The following RXFP1 variants were observed in gnomAD, a reference collection of about 807,000 sequenced individuals.
RXFP1 encodes the protein relaxin receptor 1.
In RXFP1, 73 loss-of-function variants were observed where a neutral mutation model predicts 89.8. The ratio of observed to expected loss-of-function variants is 0.81; its 90% CI spans 0.67 to 0.99. The LOEUF is 0.99. Among genes scored for constraint, RXFP1 ranks in the 50% least tolerant of loss-of-function variants. The pLI, the probability that RXFP1 is intolerant of heterozygous loss-of-function variation, is 0.00. For synonymous variants in RXFP1, 277 were observed against 305.5 expected (o/e 0.91, Z 0.97); for missense variants, 793 against 895.5 (o/e 0.89, Z 1.46).
chr4:158,556,924 C>A lies in RXFP1; in HGVS notation c.50-15774C>A, dbSNP rs889200451. 9.2e-5 allele frequency among the ~76,000 whole-genome samples: 14 copies of A among 152,034 alleles called. 1 individual carries two copies. In the East Asian group the frequency reaches 2.5e-3, roughly 27 times the overall value. On this transcript the variant is annotated intron_variant, in intron 1 of 17. Coordinates refer to ENST00000307765, the MANE Select transcript of RXFP1 (RefSeq NM_021634.4). The stretch of plus-strand genomic sequence containing the variant: ...AGATACAGAGTAGAACAGTGGTGAC[C>A]AGAGCAGAGAGAAGGATGGGGAGAA...
At chr4:158,568,500 T>A (rs554129471) in intron 1 of RXFP1, among the ~76,000 whole-genome samples, 3 of 152,230 alleles carry the variant, frequency 2.0e-5, no homozygotes, top group Admixed American at 6.5e-5. Flanking sequence ...GTGTTTAAAG[T>A]GTTCTTAAAA....
intron 2 of RXFP1, among the ~76,000 whole-genome samples, chr4:158,575,520 T>C (rs1006926469): frequency 6.6e-6 from 1 of 152,058 alleles, no homozygotes; most frequent in Non-Finnish European, 1.5e-5. Context: ...GATTTGGAGA[T>C]GGGATTTGGG....
At chr4:158,522,607 T>A (rs1741457554) in intron 1 of RXFP1, among the ~76,000 whole-genome samples, 1 of 152,200 alleles carries the variant, frequency 6.6e-6, no homozygotes, top group African/African-American at 2.4e-5. Context: ...TAATGACAAA[T>A]TTTGTTTTCT....
chr4:158,569,937 T>C (rs1195157292), intron 1 of RXFP1, among the ~76,000 whole-genome samples: 1 of 152,192 alleles, frequency 6.6e-6, no homozygotes, highest in African/African-American at 2.4e-5. Context: ...GTGGACTGCT[T>C]TTTGAAGTAT....
intron 2 of RXFP1, among the ~76,000 whole-genome samples, chr4:158,587,963 AT>A (rs1310862777): frequency 6.6e-6 from 1 of 152,176 alleles, no homozygotes; most frequent in Non-Finnish European, 1.5e-5. Context: ...TTATCTAAAG[AT>A]ATGAAACAAG....
At position 158,652,240 on chromosome 4, in the gene RXFP1, G is replaced by GTA. The variant is rs1772879454; in HGVS notation, c.*193_*194dup. On this transcript the variant is annotated 3_prime_UTR_variant, in exon 18 of 18. Transcript: ENST00000307765. Reference sequence around the variant, plus strand: ...AAAGGGAAGTAATTATATCAATAATGTATATATATTAGTAGACATTTTGCA... The same window carrying GTA: ...AAAGGGAAGTAATTATATCAATAATGTATATATATATTAGTAGACATTTTGCA... The GTA allele has an allele frequency of 1.9e-6, 1 of 532,130 alleles. No individual in the cohort carries two copies. The allele number at this position is 532,130 out of a possible 1,614,324, so 33.0% of individuals were successfully genotyped here. A position where few individuals can be genotyped will look rare whatever the true frequency, so the allele number is the denominator to read the frequency against.
intron 1 of RXFP1, among the ~76,000 whole-genome samples, chr4:158,529,062 C>T (rs1356413235): frequency 6.6e-6 from 1 of 152,188 alleles, no homozygotes; most frequent in Non-Finnish European, 1.5e-5. Context: ...GATAGAGTAA[C>T]ATGTTTCAAT....
In RXFP1 at chr4:158,646,830, G is replaced by T. The variant is rs1256811446; in HGVS notation, c.1385G>T (p.Gly462Val). The T allele has an allele frequency of 1.2e-6, 2 of 1,613,742 alleles. No individual in the cohort carries two copies. The highest frequency in any genetic ancestry group is 3.3e-5 in the Admixed American group (2 of 59,958). The part of the protein sequence containing the change: ...CLMGIYLFVI[G>V]GFDLKFRGEY... ...ATGGGAATATATTTATTCGTGATCG[G>T]AGGCTTTGACCTAAAGTTTCGTGGA... Residue 462 changes from glycine (G) to valine (V), a missense_variant, in exon 16 of 18, where the codon GGA becomes GTA. By Grantham distance (109) the Gly-to-Val change is moderately radical (BLOSUM62 -3). Transcript: ENST00000307765.
chr4:158,589,773 C>G (rs992556209), intron 2 of RXFP1, among the ~76,000 whole-genome samples: 2 of 152,082 alleles, frequency 1.3e-5, no homozygotes, highest in African/African-American at 4.8e-5. Context: ...ATATGACAGA[C>G]GGAGCACAGT....
Position 158,632,510 on chromosome 4 carries a change from T to C in RXFP1, c.900-895T>C, listed in dbSNP as rs1768256587. ...GCTCAAGTCTATTGAAACTTTTTCT[T>C]GTATAAAAGAATCTGAGGCCTTTCA... is the stretch of plus-strand genomic sequence containing the variant. On this transcript the variant is annotated intron_variant, in intron 11 of 17. Coordinates refer to ENST00000307765, the MANE Select transcript of RXFP1 (RefSeq NM_021634.4). 2.0e-5 allele frequency among the ~76,000 whole-genome samples: 3 copies of C among 152,158 alleles called. No individual in the cohort carries two copies. The South Asian group carries it at 6.2e-4, about 32-fold the overall frequency.
chr4:158,557,858 C>T (rs1315797739), intron 1 of RXFP1, among the ~76,000 whole-genome samples: 1 of 152,206 alleles, frequency 6.6e-6, no homozygotes, highest in East Asian at 1.9e-4. Context: ...TTCACTGGAG[C>T]TCCAGTAGGT....
chr4:158,611,992 T>C (rs1451570676), intron 6 of RXFP1, 138 bp from the exon 7 acceptor site: 3 of 651,150 alleles, frequency 4.6e-6, no homozygotes, highest in Middle Eastern at 4.3e-4. Flanking sequence ...TAGCAATTCT[T>C]AGAGATTCAA....
intron 14 of RXFP1, among the ~76,000 whole-genome samples, chr4:158,643,203 C>A (rs1181578093): frequency 6.6e-6 from 1 of 152,156 alleles, no homozygotes; most frequent in Non-Finnish European, 1.5e-5. Flanking sequence ...CAGCATTCAC[C>A]TGTGCAAGCT....
At chr4:158,625,934 C>T (rs1766608883) in intron 9 of RXFP1, among the ~76,000 whole-genome samples, 1 of 152,012 alleles carries the variant, frequency 6.6e-6, no homozygotes, top group Admixed American at 6.5e-5. Context: ...AAAGTTCCAC[C>T]ATATACTCAC....
intron 2 of RXFP1, among the ~76,000 whole-genome samples, chr4:158,584,960 G>C (rs993010284): frequency 3.1e-4 from 47 of 152,148 alleles, no homozygotes; most frequent in African/African-American, 1.0e-3. Context: ...CACTTGGAAG[G>C]CTCGTTAAAA....
chr4:158,523,045 C>A (rs1422672777), intron 1 of RXFP1, among the ~76,000 whole-genome samples: 2 of 152,162 alleles, frequency 1.3e-5, no homozygotes, highest in African/African-American at 4.8e-5. Flanking sequence ...TAAAGGACAG[C>A]ATCAAAACCA....
Position 158,599,317 on chromosome 4 carries a change from T to G in RXFP1, c.287-9T>G, listed in dbSNP as rs144972452. The G allele has an allele frequency of 1.2e-6, 2 of 1,613,844 alleles. No homozygotes were observed. Among genetic ancestry groups the G allele is most frequent in the Non-Finnish European group, 1.7e-6 (2 of 1,179,850 alleles). On this transcript the variant is annotated splice_polypyrimidine_tract_variant and intron_variant, in intron 3 of 17. Transcript: ENST00000307765. ...TGTCATCATGCCTTACCACTTCCCC[T>G]TGATTCAGTGGTCGGTTCTGTGCCA...
intron 1 of RXFP1, among the ~76,000 whole-genome samples, chr4:158,526,350 A>G (rs1273310009): frequency 1.3e-5 from 2 of 152,210 alleles, no homozygotes; most frequent in Non-Finnish European, 2.9e-5. Context: ...ATATTTTATT[A>G]GCCCCACAAC....
chr4:158,531,127 C>A (rs190594273), intron 1 of RXFP1, among the ~76,000 whole-genome samples: 85 of 152,256 alleles, frequency 5.6e-4, no homozygotes, highest in Non-Finnish European at 1.1e-3. Flanking sequence ...AACTCTGCCC[C>A]CTGGCTCAAG....
Sources: allele counts gnomAD v4.1 joint callset (sites outside exome capture counted in the v4.1 genomes callset), GRCh38; gene constraint gnomAD v4.1.1; transcripts MANE v1.5; gene names NCBI Gene and HGNC (gene_info 2026-07-23, HGNC 2026-07-21).